The following PACRG variants were observed in gnomAD, a reference collection of about 807,000 sequenced individuals.
PACRG encodes parkin coregulated gene protein.
PACRG carries 29 observed loss-of-function variants against 29.7 expected under a neutral mutation model. The ratio of observed to expected loss-of-function variants is 0.98; its 90% CI spans 0.73 to 1.33. The LOEUF (loss-of-function observed/expected upper bound fraction) is 1.33. Among genes scored for constraint, PACRG ranks in the 40% most tolerant of loss-of-function variants. The probability of loss-of-function intolerance (pLI) is 0.00; values close to 1 mark genes in which losing one functional copy is unlikely to be tolerated. For synonymous variants in PACRG, 116 were observed against 118.7 expected (o/e 0.98, Z 0.15); for missense variants, 279 against 316.2 (o/e 0.88, Z 0.89).
intron 4 of PACRG, among the ~76,000 whole-genome samples, chr6:163,274,861 C>CTT (rs58333018): frequency 0.46 from 58,365 of 125,898 alleles, 14,253 homozygotes; most frequent in African/African-American, 0.57. Flanking sequence ...TTCTTTCTTT[C>CTT]TTTTTTTTTT....
chr6:163,016,561 A>G (rs1806127746), intron 2 of PACRG, among the ~76,000 whole-genome samples: 1 of 152,170 alleles, frequency 6.6e-6, no homozygotes, highest in African/African-American at 2.4e-5. Context: ...TAACCCTTGA[A>G]AAAATATTTC....
intron 3 of PACRG, among the ~76,000 whole-genome samples, chr6:163,079,654 T>C (rs1408127065): frequency 1.3e-5 from 2 of 152,096 alleles, no homozygotes; most frequent in African/African-American, 2.4e-5. Context: ...GCTTAAATAA[T>C]CAGTCCTAGA....
chr6:163,141,444 G>GTGT (rs202091661), intron 4 of PACRG, among the ~76,000 whole-genome samples: 1 of 147,226 alleles, frequency 6.8e-6, no homozygotes, highest in African/African-American at 2.5e-5. Flanking sequence ...TAATGTATGT[G>GTGT]TTTTTTTTTT....
At chr6:162,925,505 T>C (rs797015881) in intron 2 of PACRG, among the ~76,000 whole-genome samples, 29 of 152,288 alleles carry the variant, frequency 1.9e-4, no homozygotes, top group African/African-American at 6.0e-4. Flanking sequence ...CAAGGCTGGT[T>C]CAACATAGCA....
intron 4 of PACRG, among the ~76,000 whole-genome samples, chr6:163,252,582 G>C (rs1268097288): frequency 6.6e-6 from 1 of 152,198 alleles, no homozygotes. Flanking sequence ...TGCAGAGTCC[G>C]TGACTGTCAT....
At chr6:163,195,178 C>T (rs981843136) in intron 4 of PACRG, among the ~76,000 whole-genome samples, 1 of 152,186 alleles carries the variant, frequency 6.6e-6, no homozygotes, top group Non-Finnish European at 1.5e-5. Flanking sequence ...GAGAAAGCAT[C>T]GGGGATGCCT....
At chr6:163,058,106 A>T (rs1322993619) in intron 2 of PACRG, among the ~76,000 whole-genome samples, 1 of 152,220 alleles carries the variant, frequency 6.6e-6, no homozygotes, top group African/African-American at 2.4e-5. Flanking sequence ...AGGTAGAGAG[A>T]AGGGTAAATT....
At chr6:162,749,544 G>A (rs1056647729) in intron 1 of PACRG, among the ~76,000 whole-genome samples, 5 of 151,750 alleles carry the variant, frequency 3.3e-5, no homozygotes, top group African/African-American at 4.8e-5. Flanking sequence ...TTTTTGAGAC[G>A]GGGTCTTGCT....
chr6:163,205,624 G>T (rs1207308403), intron 4 of PACRG, among the ~76,000 whole-genome samples: 1 of 152,128 alleles, frequency 6.6e-6, no homozygotes, highest in African/African-American at 2.4e-5. Context: ...GATAACCTCA[G>T]AAATACCATT....
chr6:163,253,948 G>A (rs1585374052), intron 4 of PACRG, among the ~76,000 whole-genome samples: 1 of 152,180 alleles, frequency 6.6e-6, no homozygotes, highest in African/African-American at 2.4e-5. Context: ...AGCCAGGGTG[G>A]ACGGCTGCAG....
chr6:162,757,506 G>A (rs984080518), intron 1 of PACRG, among the ~76,000 whole-genome samples: 8 of 151,982 alleles, frequency 5.3e-5, no homozygotes, highest in South Asian at 2.1e-4. Flanking sequence ...TCAGGAGTTC[G>A]AGACCAGCCT....
chr6:162,803,713 C>T (rs940506529), intron 1 of PACRG, among the ~76,000 whole-genome samples: 1 of 152,114 alleles, frequency 6.6e-6, no homozygotes, highest in Admixed American at 6.5e-5. Flanking sequence ...ATTCACAATG[C>T]ATGCATATTG....
intron 1 of PACRG, among the ~76,000 whole-genome samples, chr6:162,780,242 A>G (rs1474932322): frequency 6.6e-6 from 1 of 152,158 alleles, no homozygotes; most frequent in African/African-American, 2.4e-5. Flanking sequence ...CATTGAGTAG[A>G]GTTCTAAAAA....
At chr6:163,006,592 A>T (rs528240042) in intron 2 of PACRG, among the ~76,000 whole-genome samples, 1 of 151,880 alleles carries the variant, frequency 6.6e-6, no homozygotes, top group East Asian at 1.9e-4. Context: ...CAATTCTATT[A>T]GTTTTTCTTC....
chr6:163,135,628 C>A (rs1196699503), intron 4 of PACRG, among the ~76,000 whole-genome samples: 1 of 152,174 alleles, frequency 6.6e-6, no homozygotes, highest in Non-Finnish European at 1.5e-5. Flanking sequence ...CCGCATTTCT[C>A]TTAGTATATG....
At position 162,853,302 on chromosome 6, in the gene PACRG, T is replaced by G. The variant is rs1347450957; in HGVS notation, c.291+39021T>G. Among the ~76,000 whole-genome samples, 1 of 152,228 alleles carries G rather than the reference T, an allele frequency of 6.6e-6. No individual in the cohort carries two copies. The highest frequency in any genetic ancestry group is 2.4e-5 in the African/African-American group (1 of 41,456). ...ATAAAAATCTCTGCTCCAGAATGGC[T>G]TGATCTCCTTGGAGATCAGGCAGAA... On this transcript the variant is annotated intron_variant, in intron 2 of 4. Coordinates refer to ENST00000366888, the MANE Select transcript of PACRG (RefSeq NM_001080379.2). The surrounding 1 kb of genome is among the most constrained non-coding windows in gnomAD (Gnocchi z 4.7).
intron 4 of PACRG, among the ~76,000 whole-genome samples, chr6:163,158,250 C>T (rs377064891): frequency 1.4e-3 from 214 of 152,010 alleles, no homozygotes; most frequent in African/African-American, 4.8e-3. Context: ...ATGTGTGGGC[C>T]GAGAAAGATA....
chr6:163,037,672 C>T (rs908487617), intron 2 of PACRG, among the ~76,000 whole-genome samples: 15 of 152,246 alleles, frequency 9.9e-5, no homozygotes, highest in Admixed American at 7.2e-4. Flanking sequence ...TCGCAACATA[C>T]TCGGGCACCC....
At chr6:162,783,406 C>A (rs1784235723) in intron 1 of PACRG, among the ~76,000 whole-genome samples, 1 of 151,910 alleles carries the variant, frequency 6.6e-6, no homozygotes, top group Non-Finnish European at 1.5e-5. Context: ...AGCATTCTTA[C>A]TCATTCTCTT....
Sources: allele counts gnomAD v4.1 joint callset (sites outside exome capture counted in the v4.1 genomes callset), GRCh38; gene constraint gnomAD v4.1.1; non-coding constraint Gnocchi (gnomAD v3.1); transcripts MANE v1.5; gene names NCBI Gene and HGNC (gene_info 2026-07-23, HGNC 2026-07-21).